The following NOL4L variants were observed in gnomAD, a reference collection of about 807,000 sequenced individuals.
NOL4L encodes the protein nucleolar protein 4 like.
NOL4L carries 7 observed loss-of-function variants against 64.5 expected under a neutral mutation model. The ratio of observed to expected loss-of-function variants is 0.11; its 90% CI spans 0.06 to 0.20. The LOEUF is 0.20. NOL4L is among the 10% of genes least tolerant of loss of function. The pLI is 1.00. For missense variants in NOL4L, 680 were observed against 967.1 expected (o/e 0.70, Z 3.94); for synonymous variants, 413 against 401.0 (o/e 1.03, Z -0.36).
Position 32,446,822 on chromosome 20 carries a change from A to C in NOL4L, c.*774T>G, listed in dbSNP as rs1323220159. On this transcript the variant is annotated 3_prime_UTR_variant, in exon 11 of 11. Transcript: ENST00000621426. ...TGAGGTAGAATACAGGTGACCATGG[A>C]CTGGGGCTTCTGTAGAATGGGGTCG... The C allele has an allele frequency of 4.8e-6, 1 of 208,806 alleles. No individual in the cohort carries two copies. The highest frequency in any genetic ancestry group is 2.4e-5 in the African/African-American group (1 of 41,858). 12.9% of individuals were successfully genotyped at this position (208,806 alleles called of 1,614,324 possible).
At chr20:32,575,866 G>A (rs1600890987) in intron 1 of NOL4L, among the ~76,000 whole-genome samples, 1 of 152,218 alleles carries the variant, frequency 6.6e-6, no homozygotes, top group African/African-American at 2.4e-5. Context: ...CCCTCTCTGA[G>A]CAGGTGACAT....
At chr20:32,474,863 C>A in intron 4 of NOL4L, 121 bp from the exon 5 acceptor site, 2 of 1,435,778 alleles carry the variant, frequency 1.4e-6, no homozygotes, top group Non-Finnish European at 1.8e-6. Flanking sequence ...GCGGCAGGAG[C>A]CCTCAAACCT....
intron 10 of NOL4L, 42 bp from the exon 11 acceptor site, chr20:32,447,858 G>A: frequency 6.6e-7 from 1 of 1,515,162 alleles, no homozygotes; most frequent in Admixed American, 2.2e-5. Context: ...CAGCCACCCT[G>A]CCTGGCATCT....
chr20:32,572,278 C>T (rs1475168902), intron 1 of NOL4L: 2 of 152,186 alleles, frequency 1.3e-5, no homozygotes, highest in East Asian at 3.9e-4. Flanking sequence ...CAAATTTGGA[C>T]AATCACATGG....
chr20:32,530,654 G>A (rs1210642901), intron 1 of NOL4L, among the ~76,000 whole-genome samples: 1 of 152,148 alleles, frequency 6.6e-6, no homozygotes, highest in African/African-American at 2.4e-5. Context: ...GGGAATGGTG[G>A]CTCATGACTG....
At chr20:32,530,802 T>TC (rs2018319530) in intron 1 of NOL4L, among the ~76,000 whole-genome samples, 1 of 151,796 alleles carries the variant, frequency 6.6e-6, no homozygotes, top group African/African-American at 2.4e-5. Flanking sequence ...ATGCCTGTAA[T>TC]CCCAGCTCCT....
intron 5 of NOL4L, among the ~76,000 whole-genome samples, chr20:32,465,670 C>T (rs551877574): frequency 1.2e-4 from 18 of 152,350 alleles, no homozygotes; most frequent in Admixed American, 6.5e-4. Context: ...GAATGATTCA[C>T]GGGGCAGGGC....
At chr20:32,583,737 C>T (rs1980672214) in intron 1 of NOL4L, among the ~76,000 whole-genome samples, 1 of 149,312 alleles carries the variant, frequency 6.7e-6, no homozygotes, top group African/African-American at 2.5e-5. Flanking sequence ...CAGGGCGCCC[C>T]GGGCCAGAGG....
intron 1 of NOL4L, among the ~76,000 whole-genome samples, chr20:32,534,844 TA>T (rs2018463222): frequency 7.2e-6 from 1 of 138,604 alleles, no homozygotes; most frequent in African/African-American, 2.8e-5. Context: ...ACCGTACCAC[TA>T]AACTCCAGCC....
intron 4 of NOL4L, among the ~76,000 whole-genome samples, chr20:32,494,274 AAAAAAAAACACAC>A (rs2016591167): frequency 7.8e-6 from 1 of 128,510 alleles, no homozygotes; most frequent in Non-Finnish European, 1.6e-5. Flanking sequence ...AAAAAAAAAA[AAAAAAAAACACAC>A]AACACACACA....
At chr20:32,527,641 G>A (rs2018182262) in intron 2 of NOL4L, 117 bp downstream of exon 2, 1 of 1,243,702 alleles carries the variant, frequency 8.0e-7, no homozygotes, top group African/African-American at 1.5e-5. Context: ...ATCCCCAAAG[G>A]CCGTTTCATC....
Position 32,509,814 on chromosome 20 carries a change from A to T in NOL4L, c.699+1533T>A, listed in dbSNP as rs1435211578. On this transcript the variant is annotated intron_variant, in intron 4 of 10. Coordinates refer to ENST00000621426, the MANE Select transcript of NOL4L (RefSeq NM_001256798.2). ...TGACCTGGATTTAGTGCCATTCTGT[A>T]TGAAACAAAACCAGGGGGCTGTGCT... The T allele has an allele frequency of 1.3e-5, 17 of 1,303,974 alleles. No individual in the cohort carries two copies. In the East Asian group the frequency reaches 9.4e-4, roughly 72 times the overall value. 80.8% of individuals were successfully genotyped at this position (1,303,974 alleles called of 1,614,324 possible).
chr20:32,525,636 C>G (rs2145578975), intron 2 of NOL4L, among the ~76,000 whole-genome samples: 1 of 152,274 alleles, frequency 6.6e-6, no homozygotes, highest in East Asian at 1.9e-4. Context: ...GCTCTGTCAC[C>G]CAGGCTGGAG....
At chr20:32,475,948 T>C (rs2015366559) in intron 4 of NOL4L, among the ~76,000 whole-genome samples, 3 of 152,148 alleles carry the variant, frequency 2.0e-5, no homozygotes, top group Non-Finnish European at 1.5e-5. Context: ...CTGGAATTTA[T>C]AGCTTCTGTG....
At chr20:32,514,562 T>A (rs547182928) in intron 3 of NOL4L, among the ~76,000 whole-genome samples, 2 of 151,220 alleles carry the variant, frequency 1.3e-5, no homozygotes, top group Admixed American at 1.3e-4. Context: ...CACCCCCTCC[T>A]CCTCCTTTTT....
chr20:32,539,038 T>TG (rs1234263368), intron 1 of NOL4L, among the ~76,000 whole-genome samples: 1 of 40,536 alleles, frequency 2.5e-5, no homozygotes, highest in African/African-American at 9.4e-5. Context: ...TGGGGTGGGG[T>TG]GGGGGGCGGC....
At chr20:32,503,885 A>T in intron 4 of NOL4L, among the ~76,000 whole-genome samples, 1 of 150,906 alleles carries the variant, frequency 6.6e-6, no homozygotes. Context: ...TAATAGCACT[A>T]CTCCCTCTTT....
chr20:32,486,946 A>C (rs1352216359), intron 4 of NOL4L: 1 of 347,228 alleles, frequency 2.9e-6, no homozygotes, highest in Non-Finnish European at 5.9e-6. Flanking sequence ...ATTCATTGTC[A>C]CTAATTGACT....
At chr20:32,563,663 A>G (rs1486339863) in intron 1 of NOL4L, among the ~76,000 whole-genome samples, 4 of 152,112 alleles carry the variant, frequency 2.6e-5, no homozygotes, top group African/African-American at 9.7e-5. Flanking sequence ...AACGGGCACC[A>G]TTTAGGCACT....
Sources: gnomAD v4.1 joint callset for allele counts (sites outside exome capture counted in the v4.1 genomes callset) on GRCh38, gnomAD v4.1.1 for gene constraint, MANE v1.5 for transcripts, NCBI Gene and HGNC (gene_info 2026-07-23, HGNC 2026-07-21) for gene names.